HYCC2: variants seen among roughly 807,000 people sequenced by gnomAD.
The protein encoded by HYCC2 is hyccin 2.
chr2:201,002,529 CTT>C, the HYCC2 span, among the ~76,000 whole-genome samples: 17 of 142,284 alleles, frequency 1.2e-4, no homozygotes, highest in African/African-American at 1.5e-4. Context: ...AGCAGAGATT[CTT>C]TTTTTTTTTT....
At chr2:200,998,237 CCA>C in the HYCC2 span, among the ~76,000 whole-genome samples, 1 of 152,228 alleles carries the variant, frequency 6.6e-6, no homozygotes, top group Non-Finnish European at 1.5e-5. Context: ...ACCACATATA[CCA>C]CACTTTATCA....
the HYCC2 span, among the ~76,000 whole-genome samples, chr2:201,020,850 CT>C: frequency 6.6e-6 from 1 of 152,154 alleles, no homozygotes; most frequent in African/African-American, 2.4e-5. Flanking sequence ...TCACTGCAAC[CT>C]CCGCCTCCCA....
the HYCC2 span, among the ~76,000 whole-genome samples, chr2:201,041,332 G>A: frequency 6.6e-6 from 1 of 152,168 alleles, no homozygotes; most frequent in Non-Finnish European, 1.5e-5. Context: ...TATGCAATCT[G>A]GTCCCTGTCT....
At chr2:201,044,814 C>T in the HYCC2 span, among the ~76,000 whole-genome samples, 2 of 152,066 alleles carry the variant, frequency 1.3e-5, no homozygotes, top group African/African-American at 4.8e-5. Context: ...TCCATTCTTT[C>T]AACTAATATG....
chr2:201,005,982 C>T, the HYCC2 span, among the ~76,000 whole-genome samples: 16 of 151,966 alleles, frequency 1.1e-4, no homozygotes, highest in Non-Finnish European at 1.0e-4. Context: ...TACAGGCATG[C>T]GCCACCACGC....
the HYCC2 span, among the ~76,000 whole-genome samples, chr2:201,014,172 T>C: frequency 1.3e-5 from 2 of 152,356 alleles, no homozygotes; most frequent in Admixed American, 1.3e-4. Flanking sequence ...AAATGTTTGT[T>C]TCATGTGTCC....
the HYCC2 span, chr2:200,992,433 T>C: frequency 9.1e-7 from 1 of 1,099,972 alleles, no homozygotes; most frequent in Non-Finnish European, 1.4e-6. Context: ...ACTTTTTAAA[T>C]TGTTCCAAGT....
the HYCC2 span, among the ~76,000 whole-genome samples, chr2:201,069,955 G>A: frequency 6.6e-6 from 1 of 152,042 alleles, no homozygotes; most frequent in Non-Finnish European, 1.5e-5. Context: ...ATGCAGTACC[G>A]AAATAAATTT....
At chr2:201,051,802 G>A in the HYCC2 span, among the ~76,000 whole-genome samples, 7 of 152,124 alleles carry the variant, frequency 4.6e-5, no homozygotes, top group Non-Finnish European at 1.0e-4. Context: ...GTCATTGTGT[G>A]GGGTGGGGGC....
chr2:200,992,757 T>G, the HYCC2 span: 2 of 644,002 alleles, frequency 3.1e-6, no homozygotes, highest in Non-Finnish European at 5.4e-6. Context: ...GGAAACCATA[T>G]TAGAAAAACA....
At chr2:201,027,968 A>G in the HYCC2 span, among the ~76,000 whole-genome samples, 3 of 152,332 alleles carry the variant, frequency 2.0e-5, no homozygotes, top group East Asian at 5.8e-4. Flanking sequence ...GGCCAGGGCA[A>G]TCAGGCAAGA....
At chr2:201,063,225 T>C in the HYCC2 span, 37 of 1,602,728 alleles carry the variant, frequency 2.3e-5, no homozygotes, top group Non-Finnish European at 1.7e-6. Flanking sequence ...TGTGTGGTAA[T>C]GAGAGATCCA....
At chr2:201,001,442 T>C in the HYCC2 span, among the ~76,000 whole-genome samples, 2 of 152,178 alleles carry the variant, frequency 1.3e-5, no homozygotes, top group African/African-American at 4.8e-5. Flanking sequence ...AACTCGAATG[T>C]CCATCCACTG....
chr2:201,034,340 G>A, the HYCC2 span, among the ~76,000 whole-genome samples: 2 of 152,172 alleles, frequency 1.3e-5, no homozygotes, highest in Non-Finnish European at 2.9e-5. Context: ...TTGTTGAATT[G>A]ATCCCTTTAC....
chr2:200,994,653 C>T, the HYCC2 span, among the ~76,000 whole-genome samples: 1 of 151,994 alleles, frequency 6.6e-6, no homozygotes, highest in Non-Finnish European at 1.5e-5. Flanking sequence ...GATATATGAA[C>T]AAAAGAACAA....
At chr2:201,011,299 AT>A in the HYCC2 span, 1 of 669,586 alleles carries the variant, frequency 1.5e-6, no homozygotes, top group Non-Finnish European at 2.4e-6. Flanking sequence ...CAGTAAAGAT[AT>A]TTTAGGAATA....
At chr2:200,987,310 G>A in the HYCC2 span, 2 of 1,258,932 alleles carry the variant, frequency 1.6e-6, no homozygotes, top group African/African-American at 3.1e-5. Context: ...TAGAGAGCCA[G>A]GATCCTTCTC....
At chr2:201,003,034 AG>A in the HYCC2 span, among the ~76,000 whole-genome samples, 1 of 152,244 alleles carries the variant, frequency 6.6e-6, no homozygotes, top group Non-Finnish European at 1.5e-5. Context: ...ATCATTAAAA[AG>A]AATAAGATAT....
the HYCC2 span, among the ~76,000 whole-genome samples, chr2:201,052,807 A>C: frequency 6.6e-6 from 1 of 152,136 alleles, no homozygotes. Context: ...AGGTAGACCA[A>C]AGTGTTAGAG....
Sources: gnomAD v4.1 joint callset for allele counts (sites outside exome capture counted in the v4.1 genomes callset) on GRCh38, gnomAD v4.1.1 for gene constraint, MANE v1.5 for transcripts, NCBI Gene and HGNC (gene_info 2026-07-23, HGNC 2026-07-21) for gene names.